The following CSMD1 variants were observed in gnomAD, a reference collection of about 807,000 sequenced individuals.
The protein encoded by CSMD1 is CUB and sushi domain-containing protein 1.
CSMD1 carries 213 observed loss-of-function variants against 417.5 expected under a neutral mutation model. The ratio of observed to expected loss-of-function variants is 0.51; its 90% CI spans 0.46 to 0.57. CSMD1 has a LOEUF of 0.57. Among genes scored for constraint, CSMD1 ranks in the 20% least tolerant of loss-of-function variants. CSMD1 has a pLI of 0.00. For missense variants in CSMD1, 6,923 were observed against 4,529.7 expected (o/e 1.53, Z -15.17); for synonymous variants, 2,862 against 1,736.8 (o/e 1.65, Z -16.11).
intron 6 of CSMD1, among the ~76,000 whole-genome samples, chr8:3,742,571 T>G (rs193104359): frequency 6.6e-6 from 1 of 152,104 alleles, no homozygotes; most frequent in African/African-American, 2.4e-5. Flanking sequence ...AAGTGACGCA[T>G]TGCCTCTGCC....
intron 6 of CSMD1, among the ~76,000 whole-genome samples, chr8:3,751,807 G>T (rs974411394): frequency 1.3e-5 from 2 of 152,066 alleles, no homozygotes. Context: ...GATCAGGTTT[G>T]AGAAACAAAC....
intron 27 of CSMD1, among the ~76,000 whole-genome samples, chr8:3,228,979 A>C (rs1439515215): frequency 6.6e-6 from 1 of 152,128 alleles, no homozygotes; most frequent in African/African-American, 2.4e-5. Flanking sequence ...CATTAAACAC[A>C]CATACATTGC....
chr8:3,457,710 G>A (rs531105061), intron 12 of CSMD1, among the ~76,000 whole-genome samples: 97 of 152,234 alleles, frequency 6.4e-4, no homozygotes, highest in Non-Finnish European at 1.1e-3. Flanking sequence ...ATAAAAACTC[G>A]TAAAGGAAAC....
intron 2 of CSMD1, among the ~76,000 whole-genome samples, chr8:4,461,806 T>C (rs1196938402): frequency 2.0e-5 from 3 of 148,862 alleles, no homozygotes; most frequent in Non-Finnish European, 4.4e-5. Context: ...AGTAGTACGA[T>C]CTCAGCTCAC....
In CSMD1 at chr8:4,739,978, C is replaced by T. The variant is rs546922977; in HGVS notation, c.86-102420G>A. 2.0e-5 allele frequency among the ~76,000 whole-genome samples: 3 copies of T among 152,226 alleles called. No homozygotes were observed. The East Asian group carries it at 5.8e-4, about 30-fold the overall frequency. ...TGAGCTAGGGAAATAGCTGACTGGCCAGCCGCCTGCCCAGGCATCTTCCTT... is the reference window on the plus strand; with the variant it reads ...TGAGCTAGGGAAATAGCTGACTGGCTAGCCGCCTGCCCAGGCATCTTCCTT... On this transcript the variant is annotated intron_variant, in intron 1 of 69. Coordinates refer to ENST00000635120, the MANE Select transcript of CSMD1 (RefSeq NM_033225.6).
chr8:2,954,005 G>T (rs1448099558), intron 65 of CSMD1, among the ~76,000 whole-genome samples: 1 of 152,186 alleles, frequency 6.6e-6, no homozygotes, highest in Non-Finnish European at 1.5e-5. Context: ...AACACCAAAG[G>T]TTTTCTTTTT....
chr8:4,533,872 T>C (rs1442783828), intron 2 of CSMD1, among the ~76,000 whole-genome samples: 1 of 149,878 alleles, frequency 6.7e-6, no homozygotes, highest in Non-Finnish European at 1.5e-5. Flanking sequence ...TGTATGTATG[T>C]GTATAAATAA....
intron 1 of CSMD1, among the ~76,000 whole-genome samples, chr8:4,714,703 C>G (rs753391344): frequency 6.6e-6 from 1 of 152,050 alleles, no homozygotes; most frequent in Non-Finnish European, 1.5e-5. Context: ...TTCAAATTTA[C>G]TCGAGAATAC....
chr8:3,788,948 G>A (rs1374657899), intron 5 of CSMD1, among the ~76,000 whole-genome samples: 1 of 152,190 alleles, frequency 6.6e-6, no homozygotes, highest in Non-Finnish European at 1.5e-5. Flanking sequence ...AGACAGTATT[G>A]TAGAATTTAA....
chr8:4,870,983 G>T (rs1233753294), intron 1 of CSMD1, among the ~76,000 whole-genome samples: 2 of 152,054 alleles, frequency 1.3e-5, no homozygotes, highest in Non-Finnish European at 2.9e-5. Context: ...GGGACTCAGG[G>T]GATGCCACAG....
Position 4,141,371 on chromosome 8 carries a change from C to T in CSMD1, c.416-109272G>A, listed in dbSNP as rs75631755. ...GTATGCTCATGAAGCTTGTATGCTC[C>T]AAGAATACCAAGAAGCTAAAGAAAG... On this transcript the variant is annotated intron_variant, in intron 3 of 69. Transcript: ENST00000635120. Among the ~76,000 whole-genome samples the T allele has an allele frequency of 2.4e-4, 37 of 151,210 alleles. No individual in the cohort carries two copies. In the East Asian group the frequency reaches 5.6e-3, roughly 23 times the overall value.
intron 5 of CSMD1, among the ~76,000 whole-genome samples, chr8:3,984,104 G>GAGCACATTACAGATCTGATGGGGCTGT: frequency 7.0e-6 from 1 of 141,884 alleles, no homozygotes; most frequent in East Asian, 2.1e-4. Context: ...GCTGTCAATA[G>GAGCACATTACAGATCTGATGGGGCTGT]CAACTCTAGA....
intron 3 of CSMD1, among the ~76,000 whole-genome samples, chr8:4,251,888 G>T (rs778775957): frequency 5.6e-5 from 8 of 142,994 alleles, no homozygotes; most frequent in Non-Finnish European, 1.0e-4. Context: ...AAGAGGGGAA[G>T]GGAGGGGAGG....
intron 10 of CSMD1, 94 bp downstream of exon 10, chr8:3,574,851 G>C: frequency 7.2e-7 from 1 of 1,392,346 alleles, no homozygotes; most frequent in Non-Finnish European, 9.8e-7. Flanking sequence ...TAAAGTGTAA[G>C]CACGGATAGC....
At chr8:3,482,982 T>A (rs1362689464) in intron 11 of CSMD1, among the ~76,000 whole-genome samples, 3 of 151,828 alleles carry the variant, frequency 2.0e-5, no homozygotes, top group Admixed American at 2.0e-4. Flanking sequence ...GATAAAACAG[T>A]GCCAAGAGGA....
intron 3 of CSMD1, among the ~76,000 whole-genome samples, chr8:4,297,025 G>A (rs568434906): frequency 5.3e-5 from 8 of 152,100 alleles, no homozygotes; most frequent in South Asian, 2.1e-4. Context: ...CTGGGAAAGA[G>A]TAATGCTACA....
chr8:3,914,791 A>G (rs937160109), intron 5 of CSMD1, among the ~76,000 whole-genome samples: 4 of 152,034 alleles, frequency 2.6e-5, no homozygotes, highest in Non-Finnish European at 4.4e-5. Context: ...TAATTCCTCA[A>G]CAAAGATTTA....
intron 52 of CSMD1, among the ~76,000 whole-genome samples, chr8:3,009,534 G>A (rs606218): frequency 6.6e-6 from 1 of 151,940 alleles, no homozygotes; most frequent in Non-Finnish European, 1.5e-5. Flanking sequence ...AGGTGCATCA[G>A]ATTCACTTAT....
intron 8 of CSMD1, among the ~76,000 whole-genome samples, chr8:3,607,777 C>CAAT (rs1289915562): frequency 1.3e-5 from 2 of 152,216 alleles, no homozygotes; most frequent in Non-Finnish European, 2.9e-5. Context: ...CATTAACTGG[C>CAAT]AATACTCCTT....
Sources: gnomAD v4.1 joint callset for allele counts (sites outside exome capture counted in the v4.1 genomes callset) on GRCh38, gnomAD v4.1.1 for gene constraint, MANE v1.5 for transcripts, NCBI Gene and HGNC (gene_info 2026-07-23, HGNC 2026-07-21) for gene names.